Variants in CEP85L observed in about 807,000 individuals in gnomAD.
CEP85L encodes centrosomal protein 85L, also known as centrosomal protein of 85 kDa-like.
CEP85L carries 60 observed loss-of-function variants against 100.3 expected under a neutral mutation model. The observed-to-expected ratio is 0.60, with a 90% CI of 0.49 to 0.74. The LOEUF is 0.74. CEP85L is among the 30% of genes least tolerant of loss of function. The probability of loss-of-function intolerance (pLI) is 0.00; values close to 1 mark genes in which losing one functional copy is unlikely to be tolerated. For missense variants in CEP85L, 973 were observed against 936.2 expected, an observed-to-expected ratio of 1.04 and a Z score of -0.51; for synonymous variants, 319 against 322.7, an observed-to-expected ratio of 0.99 and a Z score of 0.12.
Position 118,492,436 on chromosome 6 carries a change from A to G in CEP85L, c.1258-571T>C, listed in dbSNP as rs1388618066. Among the ~76,000 whole-genome samples the G allele has an allele frequency of 2.0e-5, 3 of 152,144 alleles. No individual in the cohort carries two copies. The East Asian group carries it at 5.8e-4, about 29-fold the overall frequency. On this transcript the variant is annotated intron_variant, in intron 5 of 12. Transcript: ENST00000368491. ...ATTGCATAGAAAAAAATGGCACAAA[A>G]TAAGTACTCACAAAATAATTGTTGA...
intron 1 of CEP85L, chr6:118,646,899 C>G: frequency 1.5e-5 from 15 of 981,438 alleles, no homozygotes; most frequent in Non-Finnish European, 1.8e-5. Context: ...TAGAGGTTAT[C>G]AACTCACCAT....
chr6:118,645,742 T>G (rs184903710), intron 1 of CEP85L, among the ~76,000 whole-genome samples: 6 of 152,324 alleles, frequency 3.9e-5, no homozygotes, highest in African/African-American at 1.4e-4. Context: ...CAAGCCTCCG[T>G]AGAGCAAGAA....
intron 1 of CEP85L, among the ~76,000 whole-genome samples, chr6:118,660,908 C>T (rs750771670): frequency 3.3e-5 from 5 of 149,634 alleles, no homozygotes; most frequent in South Asian, 2.1e-4. Context: ...TTTTTTGAGA[C>T]GGAGTCTCGC....
At chr6:118,639,713 G>C (rs1774741629) in intron 1 of CEP85L, among the ~76,000 whole-genome samples, 3 of 152,048 alleles carry the variant, frequency 2.0e-5, no homozygotes, top group African/African-American at 4.8e-5. Flanking sequence ...ACTTTTTTTA[G>C]TGTCCAGTAC....
At chr6:118,562,120 TG>T (rs1036328629) in intron 3 of CEP85L, among the ~76,000 whole-genome samples, 7 of 152,196 alleles carry the variant, frequency 4.6e-5, no homozygotes, top group African/African-American at 1.7e-4. Flanking sequence ...ACCTAATGAA[TG>T]TGTCATATCC....
At chr6:118,613,977 C>G (rs989471010) in intron 2 of CEP85L, among the ~76,000 whole-genome samples, 1 of 152,002 alleles carries the variant, frequency 6.6e-6, no homozygotes, top group African/African-American at 2.4e-5. Flanking sequence ...CGAAAACAAT[C>G]CTTAACAAAC....
At chr6:118,542,919 A>AAAAAC (rs1562245153) in intron 3 of CEP85L, among the ~76,000 whole-genome samples, 8 of 150,746 alleles carry the variant, frequency 5.3e-5, no homozygotes, top group African/African-American at 2.0e-4. Flanking sequence ...AAAAAAAAAA[A>AAAAAC]AAAACAGGAT....
intron 5 of CEP85L, among the ~76,000 whole-genome samples, chr6:118,492,847 T>G (rs1774665391): frequency 6.6e-6 from 1 of 151,970 alleles, no homozygotes; most frequent in South Asian, 2.1e-4. Flanking sequence ...TAAGGGAGGG[T>G]GTTACAGAAG....
At position 118,554,792 on chromosome 6, in the gene CEP85L, A is replaced by C. The variant is rs117972556; in HGVS notation, c.1020+10737T>G. ...GAATCAACTGAAGCTTGCATGGCAG[A>C]CAATCAAAAGGTGGAGAACACATTC... On this transcript the variant is annotated intron_variant, in intron 3 of 12. Transcript: ENST00000368491. 7.6e-3 allele frequency among the ~76,000 whole-genome samples: 1,154 copies of C among 152,344 alleles called. 5 individuals carry two copies. The highest frequency in any genetic ancestry group is 0.013 in the Non-Finnish European group (908 of 68,030).
chr6:118,543,346 T>C (rs1006185647), intron 3 of CEP85L, among the ~76,000 whole-genome samples: 2 of 152,180 alleles, frequency 1.3e-5, no homozygotes, highest in Non-Finnish European at 2.9e-5. Context: ...TTTTAAGAGT[T>C]CACTTGTAAT....
In CEP85L at chr6:118,600,303, GTGTGTGTGTGTGT is replaced by G. The variant is rs1781693009; in HGVS notation, c.232+32137_232+32149del. Among the ~76,000 whole-genome samples the G allele has an allele frequency of 5.6e-3, 190 of 33,988 alleles. 19 individuals carry two copies. The highest frequency in any genetic ancestry group is 9.7e-3 in the South Asian group (7 of 722). The allele number at this position is 33,988 out of a possible 152,430, so 22.3% of individuals were successfully genotyped here. ...CCTGTCCCTGAGCCTTCCTGGGGGT[GTGTGTGTGTGTGT>G]GTGTGTGTGTGTGTGTGTGTGTGTG... is the stretch of plus-strand genomic sequence containing the variant. On this transcript the variant is annotated intron_variant, in intron 2 of 12. Transcript: ENST00000368491.
At chr6:118,558,652 C>CAG (rs1482465423) in intron 3 of CEP85L, among the ~76,000 whole-genome samples, 5 of 132,896 alleles carry the variant, frequency 3.8e-5, no homozygotes, top group East Asian at 2.0e-4. Flanking sequence ...CACACACACA[C>CAG]ACACACACAG....
At chr6:118,572,036 A>G (rs891915837) in intron 2 of CEP85L, among the ~76,000 whole-genome samples, 4 of 151,900 alleles carry the variant, frequency 2.6e-5, no homozygotes, top group Non-Finnish European at 5.9e-5. Context: ...TTGTATTTTT[A>G]GTAGAGACGG....
At chr6:118,558,481 C>A (rs1344288501) in intron 3 of CEP85L, among the ~76,000 whole-genome samples, 4 of 151,938 alleles carry the variant, frequency 2.6e-5, no homozygotes, top group Non-Finnish European at 5.9e-5. Flanking sequence ...ATGGAAGACA[C>A]TGAGGATTAC....
intron 1 of CEP85L, among the ~76,000 whole-genome samples, chr6:118,648,689 C>G (rs970480597): frequency 1.0e-4 from 15 of 150,628 alleles, no homozygotes; most frequent in African/African-American, 3.4e-4. Context: ...TTGCAGTGAG[C>G]CGAGATCGCG....
At chr6:118,480,024 T>A (rs902831312) in intron 9 of CEP85L, 103 bp from the exon 10 acceptor site, 126 of 679,348 alleles carry the variant, frequency 1.9e-4, no homozygotes, top group Non-Finnish European at 2.7e-4. Context: ...ATTTATTTTT[T>A]AAAAGGGTCT....
intron 2 of CEP85L, among the ~76,000 whole-genome samples, chr6:118,569,212 G>A (rs1779725622): frequency 6.6e-6 from 1 of 151,606 alleles, no homozygotes; most frequent in Admixed American, 6.6e-5. Context: ...TGTGGTGGCA[G>A]GCGCCTGTAA....
chr6:118,562,609 C>G (rs1032333093), intron 3 of CEP85L, among the ~76,000 whole-genome samples: 1 of 152,182 alleles, frequency 6.6e-6, no homozygotes, highest in African/African-American at 2.4e-5. Flanking sequence ...ATCCACCCCC[C>G]ATCAGCCTCC....
intron 2 of CEP85L, among the ~76,000 whole-genome samples, chr6:118,600,300 G>GGGGGGGGGTGTGTGTGT (rs1562297733): frequency 3.8e-5 from 2 of 52,236 alleles, no homozygotes; most frequent in African/African-American, 6.8e-5. Flanking sequence ...CCTTCCTGGG[G>GGGGGGGGGTGTGTGTGT]GTGTGTGTGT....
Sources: allele counts gnomAD v4.1 joint callset (sites outside exome capture counted in the v4.1 genomes callset), GRCh38; gene constraint gnomAD v4.1.1; transcripts MANE v1.5; gene names NCBI Gene and HGNC (gene_info 2026-07-23, HGNC 2026-07-21).